The following IRAG1 variants were observed in gnomAD, a reference collection of about 807,000 sequenced individuals.
IRAG1 encodes the protein IP3R-associated cGMP kinase substrate.
A neutral mutation model predicts 106.2 loss-of-function variants in IRAG1; 62 were observed. The ratio of observed to expected loss-of-function variants is 0.58; its 90% confidence interval spans 0.48 to 0.72. The LOEUF is 0.72. Among genes scored for constraint, IRAG1 ranks in the 30% least tolerant of loss-of-function variants. The probability of loss-of-function intolerance (pLI) is 0.00; values close to 1 mark genes in which losing one functional copy is unlikely to be tolerated. For synonymous variants in IRAG1, 462 were observed against 443.9 expected (o/e 1.04, Z -0.51); for missense variants, 1,064 against 1,140.7 (o/e 0.93, Z 0.97).
At position 10,652,098 on chromosome 11, in the gene IRAG1, G is replaced by A. The variant is rs1427969019; in HGVS notation, c.152C>T (p.Ala51Val). The change falls in exon 2 of 21, where the codon GCT (alanine) becomes GTT (valine). Residue 51 changes from alanine to valine, a missense_variant. Physicochemically the swap from Ala to Val is moderately conservative, Grantham distance 64. Transcript: ENST00000423302. ...GTCCTCGGGAATGTGGGGCATGGCA[G>A]CCTCCTGCTGGGAGTGGCCACGTGT... The part of the protein sequence containing the change: ...PGTRGHSQQE[A>V]AMPHIPEDEE... 4 of 1,608,066 alleles carry A rather than the reference G, an allele frequency of 2.5e-6. No homozygotes were observed. The highest frequency in any genetic ancestry group is 1.7e-5 in the Admixed American group (1 of 59,176).
chr11:10,638,958 G>C (rs951492132), intron 2 of IRAG1, among the ~76,000 whole-genome samples: 73 of 152,270 alleles, frequency 4.8e-4, no homozygotes, highest in African/African-American at 1.7e-3. Flanking sequence ...GGCTCACTCT[G>C]TCTCCCAGGC....
chr11:10,667,272 G>A (rs1859860871), intron 1 of IRAG1, among the ~76,000 whole-genome samples: 1 of 152,106 alleles, frequency 6.6e-6, no homozygotes, highest in Non-Finnish European at 1.5e-5. Context: ...CCTACACAGG[G>A]CCCTTCCTCT....
At chr11:10,605,185 T>C (rs954683145) in intron 12 of IRAG1, among the ~76,000 whole-genome samples, 4 of 152,192 alleles carry the variant, frequency 2.6e-5, no homozygotes, top group Non-Finnish European at 5.9e-5. Context: ...ATATTGGTCA[T>C]ACATGGAATT....
intron 1 of IRAG1, among the ~76,000 whole-genome samples, chr11:10,672,894 T>C (rs1860360375): frequency 6.6e-6 from 1 of 152,204 alleles, no homozygotes; most frequent in Non-Finnish European, 1.5e-5. Context: ...CTATTTATAA[T>C]AGCCAAAACA....
rs1482772152 is a variant in IRAG1, at chr11:10,633,963, T to C, written c.329+5A>G. The C allele has an allele frequency of 3.1e-6, 5 of 1,592,378 alleles. No individual in the cohort carries two copies. In the East Asian group the frequency reaches 1.1e-4, roughly 36 times the overall value. On this transcript the variant is annotated splice_donor_5th_base_variant and intron_variant, in intron 3 of 20. Coordinates refer to ENST00000423302, the MANE Select transcript of IRAG1 (RefSeq NM_130385.4). ...TGTCACAATGCAAGGATCAGGCACC[T>C]GTACCTGTTGGCCAGGTTTTTGTCG...
At chr11:10,633,116 C>T (rs555902072) in intron 3 of IRAG1, among the ~76,000 whole-genome samples, 5 of 149,278 alleles carry the variant, frequency 3.3e-5, no homozygotes, top group South Asian at 2.1e-4. Flanking sequence ...GCACTGTCGC[C>T]CAGGCTGGAG....
rs562711163 is a variant in IRAG1, at chr11:10,628,114, T to C, written c.653-89A>G. 3.8e-5 allele frequency: 54 copies of C among 1,414,204 alleles called. No individual in the cohort carries two copies. The South Asian group carries it at 6.3e-4, about 16-fold the overall frequency. 87.6% of individuals were successfully genotyped at this position (1,414,204 alleles called of 1,614,324 possible). ...CCACATCTCCCTCCCCGGGCTATCC[T>C]CCCTTTGCAATCTCAGGCCTGGAAG... On this transcript the variant is annotated intron_variant, in intron 6 of 20. Coordinates refer to ENST00000423302, the MANE Select transcript of IRAG1 (RefSeq NM_130385.4). This position sits in a 1 kb window ranked among gnomAD's most constrained non-coding sequence, Gnocchi z 4.1.
intron 1 of IRAG1, among the ~76,000 whole-genome samples, chr11:10,670,628 C>A (rs999267116): frequency 1.5e-4 from 23 of 152,308 alleles, no homozygotes; most frequent in Admixed American, 3.3e-4. Flanking sequence ...GTTCTTATGT[C>A]AAAATCCTAA....
At chr11:10,582,210 T>C (rs1008902170) in intron 18 of IRAG1, among the ~76,000 whole-genome samples, 1 of 152,142 alleles carries the variant, frequency 6.6e-6, no homozygotes, top group African/African-American at 2.4e-5. Flanking sequence ...GCTCCCCTTC[T>C]CCTCATGCTC....
Position 10,625,951 on chromosome 11 carries a change from C to A in IRAG1, c.1368+15G>T, listed in dbSNP as rs78561870. ...TGGAGTACACACTCTGCCCAACTGGCCCCCAGGAACCCACCTCTCGGAGCT... is the reference window on the plus strand; with the variant it reads ...TGGAGTACACACTCTGCCCAACTGGACCCCAGGAACCCACCTCTCGGAGCT... On this transcript the variant is annotated intron_variant, in intron 9 of 20. Coordinates refer to ENST00000423302, the MANE Select transcript of IRAG1 (RefSeq NM_130385.4). 4,558 of 1,459,348 alleles carry A rather than the reference C, an allele frequency of 3.1e-3. 138 individuals are homozygous for A. In the African/African-American group the frequency reaches 0.059, roughly 19 times the overall value. The allele number at this position is 1,459,348 out of a possible 1,614,324, so 90.4% of individuals were successfully genotyped here.
intron 4 of IRAG1, among the ~76,000 whole-genome samples, chr11:10,630,491 C>CCTCG (rs1414744959): frequency 6.6e-6 from 1 of 152,074 alleles, no homozygotes; most frequent in African/African-American, 2.4e-5. Flanking sequence ...CCTGCCTCAG[C>CCTCG]CTCGCTCGTA....
intron 2 of IRAG1, among the ~76,000 whole-genome samples, chr11:10,645,683 A>G (rs796437563): frequency 3.3e-5 from 5 of 152,318 alleles, no homozygotes; most frequent in African/African-American, 1.2e-4. Flanking sequence ...CTGAGCGCCT[A>G]TTGTGAGCTA....
intron 10 of IRAG1, among the ~76,000 whole-genome samples, chr11:10,610,261 C>T (rs542300638): frequency 1.1e-4 from 17 of 152,272 alleles, no homozygotes; most frequent in Admixed American, 6.5e-4. Flanking sequence ...TATTCCTCCT[C>T]GGATAAATTA....
chr11:10,647,031 C>T lies in IRAG1; in HGVS notation c.225+4994G>A, dbSNP rs60349929. On this transcript the variant is annotated intron_variant, in intron 2 of 20. Transcript: ENST00000423302. This position sits in a 1 kb window ranked among gnomAD's most constrained non-coding sequence, Gnocchi z 4.3. ...TTGCTGGCCCCACGAGCTTGTGCTC[C>T]TGAGGGGCTGGCAGGCAGAAGGGGT... 0.012 allele frequency among the ~76,000 whole-genome samples: 1,752 copies of T among 152,290 alleles called. 37 individuals are homozygous for T. The highest frequency in any genetic ancestry group is 0.04 in the African/African-American group (1,664 of 41,584).
chr11:10,628,105 G>A lies in IRAG1; in HGVS notation c.653-80C>T, dbSNP rs78054600. ...TGCTTTCAGCCACATCTCCCTCCCC[G>A]GGCTATCCTCCCTTTGCAATCTCAG... On this transcript the variant is annotated intron_variant, in intron 6 of 20. Transcript: ENST00000423302. The surrounding 1 kb of genome is among the most constrained non-coding windows in gnomAD (Gnocchi z 4.1). The A allele has an allele frequency of 0.068, 100,613 of 1,474,674 alleles. 3,884 individuals carry two copies. The highest frequency in any genetic ancestry group is 0.12 in the Admixed American group (6,825 of 54,818). The allele number at this position is 1,474,674 out of a possible 1,614,324, so 91.3% of individuals were successfully genotyped here. A position where few individuals can be genotyped will look rare whatever the true frequency, so the allele number is the denominator to read the frequency against.
intron 1 of IRAG1, among the ~76,000 whole-genome samples, chr11:10,681,362 C>T (rs902322853): frequency 2.0e-5 from 3 of 152,140 alleles, no homozygotes; most frequent in African/African-American, 7.2e-5. Context: ...ATAGGCATTC[C>T]CTTTAGCAGT....
At chr11:10,610,149 C>T (rs1230471820) in intron 10 of IRAG1, among the ~76,000 whole-genome samples, 1 of 152,206 alleles carries the variant, frequency 6.6e-6, no homozygotes, top group African/African-American at 2.4e-5. Context: ...TTGCTTCCCA[C>T]AGTATTAAGC....
intron 10 of IRAG1, among the ~76,000 whole-genome samples, chr11:10,621,608 A>G (rs958756293): frequency 1.2e-4 from 19 of 152,220 alleles, no homozygotes; most frequent in Admixed American, 1.2e-3. Flanking sequence ...AAAACTGTTC[A>G]TGAGATGGCC....
At position 10,629,581 on chromosome 11, in the gene IRAG1, G is replaced by T; in HGVS notation, c.531C>A (p.Arg177=). Residue 177 remains arginine (R), a synonymous_variant, in exon 5 of 21, where the codon CGC becomes CGA. Coordinates refer to ENST00000423302, the MANE Select transcript of IRAG1 (RefSeq NM_130385.4). ...AKLVSERFLT[R]RGRKSRSSPG... ...GGCTGCTCCTGGACTTCCTCCCACG[G>T]CGGGTCAGGAATCGCTCACTCACCA... 1 of 1,613,902 alleles carries T rather than the reference G, an allele frequency of 6.2e-7. No homozygotes were observed. Among genetic ancestry groups the T allele is most frequent in the Non-Finnish European group, 8.5e-7 (1 of 1,179,798 alleles).
Sources: gnomAD v4.1 joint callset for allele counts (sites outside exome capture counted in the v4.1 genomes callset) on GRCh38, gnomAD v4.1.1 for gene constraint, Gnocchi (gnomAD v3.1) non-coding constraint, MANE v1.5 for transcripts, NCBI Gene and HGNC (gene_info 2026-07-23, HGNC 2026-07-21) for gene names.